TSHZ1: variants seen among roughly 807,000 people sequenced by gnomAD.
The protein encoded by TSHZ1 is teashirt homolog 1.
TSHZ1 carries 12 observed loss-of-function variants against 67.1 expected under a neutral mutation model. That is an observed-to-expected ratio of 0.18 (90% CI 0.11 to 0.29). The LOEUF (loss-of-function observed/expected upper bound fraction) is 0.29, where lower values mean the gene tolerates loss of function less well. TSHZ1 is among the 10% of genes least tolerant of loss of function. TSHZ1 has a pLI of 1.00. For missense variants in TSHZ1, 1,305 were observed against 1,413.9 expected (o/e 0.92, Z 1.23); for synonymous variants, 632 against 622.4 (o/e 1.02, Z -0.23).
chr18:75,217,091 C>G (rs1197044697), intron 1 of TSHZ1, among the ~76,000 whole-genome samples: 1 of 152,168 alleles, frequency 6.6e-6, no homozygotes, highest in Non-Finnish European at 1.5e-5. Flanking sequence ...CAGGGGTTTG[C>G]CAAGAGTTTT....
At chr18:75,227,721 A>G (rs373043829) in intron 1 of TSHZ1, among the ~76,000 whole-genome samples, 2 of 152,340 alleles carry the variant, frequency 1.3e-5, no homozygotes. Flanking sequence ...ATTTAAAGAG[A>G]TAGTGAAGGA....
chr18:75,268,657 CCCT>C (rs1463899513), intron 1 of TSHZ1, among the ~76,000 whole-genome samples: 11 of 152,172 alleles, frequency 7.2e-5, no homozygotes, highest in African/African-American at 2.7e-4. Context: ...GCCACGACTT[CCCT>C]CCTCCCCCTC....
chr18:75,248,791 T>G (rs1048501180), intron 1 of TSHZ1, among the ~76,000 whole-genome samples: 8 of 152,248 alleles, frequency 5.3e-5, no homozygotes, highest in African/African-American at 1.9e-4. Context: ...TGCGTCCAGC[T>G]TTGCGAGTGT....
chr18:75,210,903 G>C lies in TSHZ1; in HGVS notation c.-974G>C, dbSNP rs548721417. ...CTCTCTCCCAGGAGTTTGAGGGGGG[G>C]GGGGACAGTCCACGCTCATCTCGCC... On this transcript the variant is annotated 5_prime_UTR_variant, in exon 1 of 2. Coordinates refer to ENST00000580243, the MANE Select transcript of TSHZ1 (RefSeq NM_001308210.2). 2.0e-5 allele frequency: 3 copies of C among 150,816 alleles called. No homozygotes were observed. The highest frequency in any genetic ancestry group is 2.0e-4 in the Admixed American group (3 of 15,182). The allele number at this position is 150,816 out of a possible 1,614,324, so 9.3% of individuals were successfully genotyped here. A position where few individuals can be genotyped will look rare whatever the true frequency, so the allele number is the denominator to read the frequency against.
chr18:75,222,780 G>T (rs182205325), intron 1 of TSHZ1, among the ~76,000 whole-genome samples: 1 of 152,148 alleles, frequency 6.6e-6, no homozygotes, highest in Non-Finnish European at 1.5e-5. Flanking sequence ...GCCCGTGTAC[G>T]TGGTAACCTA....
intron 1 of TSHZ1, among the ~76,000 whole-genome samples, chr18:75,263,822 G>C (rs548932189): frequency 6.6e-6 from 1 of 152,206 alleles, no homozygotes; most frequent in Non-Finnish European, 1.5e-5. Context: ...GGAAGATTCT[G>C]TGTTTTGAGT....
chr18:75,259,364 T>A (rs761026320), intron 1 of TSHZ1, among the ~76,000 whole-genome samples: 1 of 152,164 alleles, frequency 6.6e-6, no homozygotes, highest in Non-Finnish European at 1.5e-5. Context: ...TCCAAAAATA[T>A]TAAACAGAAA....
chr18:75,243,008 G>T (rs2023175846), intron 1 of TSHZ1, among the ~76,000 whole-genome samples: 1 of 152,218 alleles, frequency 6.6e-6, no homozygotes, highest in South Asian at 2.1e-4. Flanking sequence ...CTGTGGTCAT[G>T]CAGGAGAACA....
chr18:75,240,366 C>CTT (rs33927076), intron 1 of TSHZ1, among the ~76,000 whole-genome samples: 70 of 142,812 alleles, frequency 4.9e-4, no homozygotes, highest in African/African-American at 1.5e-3. Context: ...GGCATTGCTC[C>CTT]TTTTTTTTTT....
At chr18:75,246,635 G>C (rs2023228535) in intron 1 of TSHZ1, among the ~76,000 whole-genome samples, 1 of 152,056 alleles carries the variant, frequency 6.6e-6, no homozygotes, top group African/African-American at 2.4e-5. Context: ...TCATGCTCAA[G>C]TCATGGGGTT....
chr18:75,235,102 A>G (rs1187020840), intron 1 of TSHZ1, among the ~76,000 whole-genome samples: 2 of 151,574 alleles, frequency 1.3e-5, no homozygotes, highest in African/African-American at 4.9e-5. Context: ...TCCATGCATT[A>G]CCTCCTGCGC....
chr18:75,234,431 A>G (rs937885893), intron 1 of TSHZ1, among the ~76,000 whole-genome samples: 1 of 152,174 alleles, frequency 6.6e-6, no homozygotes, highest in Non-Finnish European at 1.5e-5. Context: ...CACAGTTTTA[A>G]AAGTTATAAT....
Position 75,286,193 on chromosome 18 carries a change from G to T in TSHZ1, c.786G>T (p.Thr262=), listed in dbSNP as rs142572519. 3.1e-6 allele frequency: 5 copies of T among 1,613,928 alleles called. No individual in the cohort carries two copies. The African/African-American group carries it at 6.7e-5, about 22-fold the overall frequency. The change falls in exon 2 of 2, where the codon ACG becomes ACT. Residue 262 remains threonine (T), a synonymous_variant. Coordinates refer to ENST00000580243, the MANE Select transcript of TSHZ1 (RefSeq NM_001308210.2). The surrounding 1 kb of genome is among the most constrained non-coding windows in gnomAD (Gnocchi z 5.1). ...SAAYDTLVEL[T]VHMNETGHYR... ...CGTACGACACGCTGGTGGAACTGAC[G>T]GTGCACATGAACGAGACAGGCCACT...
rs1366311381 is a variant in TSHZ1 at position 75,281,071 on chromosome 18, C to T, written c.41-4377C>T. ...GGGGCAGCGGTGAGGGTCCAGACGC[C>T]CTGCCTGGGACACGCAGCTTCAGCA... On this transcript the variant is annotated intron_variant, in intron 1 of 1. Coordinates refer to ENST00000580243, the MANE Select transcript of TSHZ1 (RefSeq NM_001308210.2). This position sits in a 1 kb window ranked among gnomAD's most constrained non-coding sequence, Gnocchi z 5.3. Among the ~76,000 whole-genome samples, 3 of 152,124 alleles carry T rather than the reference C, an allele frequency of 2.0e-5. No homozygotes were observed. Among genetic ancestry groups the T allele is most frequent in the Non-Finnish European group, 4.4e-5 (3 of 68,016 alleles).
intron 1 of TSHZ1, among the ~76,000 whole-genome samples, chr18:75,215,667 G>A (rs1336285750): frequency 2.6e-5 from 4 of 152,190 alleles, no homozygotes; most frequent in Admixed American, 2.0e-4. Context: ...ATTAAATGAT[G>A]TTGATTGGAT....
rs557841051 is a variant in TSHZ1, at chr18:75,277,076, C to G, written c.41-8372C>G. 8.4e-4 allele frequency among the ~76,000 whole-genome samples: 128 copies of G among 152,314 alleles called. 1 individual carries two copies. The highest frequency in any genetic ancestry group is 2.8e-3 in the African/African-American group (116 of 41,566). On this transcript the variant is annotated intron_variant, in intron 1 of 1. Transcript: ENST00000580243. Reference sequence around the variant, plus strand: ...CTTCCTCTGTTCTTTGGCAGACGCTCTAATCATCAGCAAAGCCTCTGAAAG... The same window carrying G: ...CTTCCTCTGTTCTTTGGCAGACGCTGTAATCATCAGCAAAGCCTCTGAAAG...
rs540884817 is a variant in TSHZ1, at chr18:75,212,039, A to G, written c.40+123A>G. On this transcript the variant is annotated intron_variant, in intron 1 of 1. Transcript: ENST00000580243. ...GCCCCAAGCTGGGGAGGGGAGGCCCAGCCTGCGCTGGCCACAGTCGTCTGG... is the reference window on the plus strand; with the variant it reads ...GCCCCAAGCTGGGGAGGGGAGGCCCGGCCTGCGCTGGCCACAGTCGTCTGG... The G allele has an allele frequency of 1.3e-4, 89 of 706,176 alleles. 1 individual carries two copies. In the Middle Eastern group the frequency reaches 1.6e-3, roughly 13 times the overall value. 43.7% of individuals were successfully genotyped at this position (706,176 alleles called of 1,614,324 possible).
At chr18:75,220,855 G>A (rs974784297) in intron 1 of TSHZ1, among the ~76,000 whole-genome samples, 7 of 152,156 alleles carry the variant, frequency 4.6e-5, no homozygotes, top group Non-Finnish European at 1.0e-4. Flanking sequence ...AACAGGAACA[G>A]GGATTTGTCT....
At chr18:75,220,292 A>G (rs2022830075) in intron 1 of TSHZ1, among the ~76,000 whole-genome samples, 1 of 152,170 alleles carries the variant, frequency 6.6e-6, no homozygotes, top group Non-Finnish European at 1.5e-5. Flanking sequence ...TTGCATAGAG[A>G]TAAGCATCCT....
Sources: allele counts gnomAD v4.1 joint callset (sites outside exome capture counted in the v4.1 genomes callset), GRCh38; gene constraint gnomAD v4.1.1; non-coding constraint Gnocchi (gnomAD v3.1); transcripts MANE v1.5; gene names NCBI Gene and HGNC (gene_info 2026-07-23, HGNC 2026-07-21).